Variants in AGPS observed in about 807,000 individuals in gnomAD.
The protein encoded by AGPS is alkyldihydroxyacetonephosphate synthase, peroxisomal.
In AGPS, 26 loss-of-function variants were observed where a neutral mutation model predicts 90.7. The observed-to-expected ratio is 0.29, with a 90% CI of 0.21 to 0.40. AGPS has a LOEUF of 0.40. Ranked by LOEUF, AGPS falls within the 10% of genes least tolerant of loss-of-function variation. AGPS has a pLI of 1.00. For synonymous variants in AGPS, 294 were observed against 285.3 expected, an observed-to-expected ratio of 1.03 and a Z score of -0.31; for missense variants, 540 against 816.1, an observed-to-expected ratio of 0.66 and a Z score of 4.12.
Position 177,481,512 on chromosome 2 carries a change from T to A in AGPS, c.1106-547T>A, listed in dbSNP as rs372943741. 5.3e-5 allele frequency among the ~76,000 whole-genome samples: 8 copies of A among 152,096 alleles called. No homozygotes were observed. In the South Asian group the frequency reaches 1.7e-3, roughly 31 times the overall value. On this transcript the variant is annotated intron_variant, in intron 10 of 19. Coordinates refer to ENST00000264167, the MANE Select transcript of AGPS (RefSeq NM_003659.4). ...ACTACTTTGTCTCCATCTGGTATTT[T>A]TTGTTTCTTAAAAGGGCATCTCAGT... is the stretch of plus-strand genomic sequence containing the variant.
intron 8 of AGPS, among the ~76,000 whole-genome samples, chr2:177,446,818 T>A (rs1686789945): frequency 6.6e-6 from 1 of 152,190 alleles, no homozygotes; most frequent in Non-Finnish European, 1.5e-5. Flanking sequence ...TTTCATCAGC[T>A]GGGTGAATAT....
intron 14 of AGPS, among the ~76,000 whole-genome samples, chr2:177,503,839 C>T (rs1033989931): frequency 1.3e-4 from 20 of 152,050 alleles, no homozygotes; most frequent in African/African-American, 4.6e-4. Context: ...CCAATTTCTT[C>T]CTGCTTTGAA....
At chr2:177,455,847 A>AT (rs1410966672) in intron 8 of AGPS, among the ~76,000 whole-genome samples, 5 of 151,380 alleles carry the variant, frequency 3.3e-5, no homozygotes, top group South Asian at 2.1e-4. Flanking sequence ...TAATTTAGGG[A>AT]TTTTTTAAGG....
chr2:177,527,135 A>T (rs1004237014), intron 19 of AGPS, among the ~76,000 whole-genome samples: 3 of 151,998 alleles, frequency 2.0e-5, no homozygotes, highest in Admixed American at 6.6e-5. Flanking sequence ...ATTTTTTTTT[A>T]AATGTATATG....
chr2:177,412,014 G>A (rs991093872), intron 1 of AGPS, among the ~76,000 whole-genome samples: 12 of 152,192 alleles, frequency 7.9e-5, no homozygotes, highest in African/African-American at 2.9e-4. Flanking sequence ...ACGGTCGAGA[G>A]CTGTGTGGCT....
intron 14 of AGPS, among the ~76,000 whole-genome samples, chr2:177,500,897 T>C (rs1314218878): frequency 6.6e-6 from 1 of 152,188 alleles, no homozygotes; most frequent in Non-Finnish European, 1.5e-5. Context: ...ATCTCATTTT[T>C]GTTTGAATTT....
At chr2:177,437,133 T>C in intron 5 of AGPS, 79 bp downstream of exon 5, 1 of 1,341,410 alleles carries the variant, frequency 7.5e-7, no homozygotes, top group Non-Finnish European at 1.1e-6. Context: ...TACGTACTTT[T>C]TGGCATATGA....
chr2:177,465,966 A>T (rs544801640), intron 9 of AGPS, among the ~76,000 whole-genome samples: 3 of 152,218 alleles, frequency 2.0e-5, no homozygotes, highest in Non-Finnish European at 4.4e-5. Context: ...AGAATGAGGT[A>T]TGCGGACAAG....
intron 11 of AGPS, among the ~76,000 whole-genome samples, chr2:177,487,780 G>A (rs887899469): frequency 6.6e-6 from 1 of 152,016 alleles, no homozygotes; most frequent in African/African-American, 2.4e-5. Context: ...GTTTGATCCA[G>A]CAAAATTAAG....
At chr2:177,453,462 G>A (rs1235141163) in intron 8 of AGPS, among the ~76,000 whole-genome samples, 1 of 151,502 alleles carries the variant, frequency 6.6e-6, no homozygotes. Context: ...GTAGAGATGG[G>A]GTTTTACCAT....
At chr2:177,498,026 A>G (rs1374249915) in intron 13 of AGPS, among the ~76,000 whole-genome samples, 3 of 151,630 alleles carry the variant, frequency 2.0e-5, no homozygotes, top group East Asian at 1.9e-4. Flanking sequence ...TATAGTTTAA[A>G]TTTTTTCCTT....
At chr2:177,465,376 T>G (rs1200945967) in intron 9 of AGPS, among the ~76,000 whole-genome samples, 1 of 152,236 alleles carries the variant, frequency 6.6e-6, no homozygotes. Context: ...TGTCATGGGA[T>G]TCTTGGGGTG....
intron 2 of AGPS, among the ~76,000 whole-genome samples, chr2:177,422,004 G>A (rs1685954428): frequency 6.6e-6 from 1 of 151,732 alleles, no homozygotes; most frequent in African/African-American, 2.4e-5. Context: ...GTGTGTGTAT[G>A]TGTGTGTGTG....
chr2:177,418,684 T>C (rs1428227092), intron 1 of AGPS, among the ~76,000 whole-genome samples: 1 of 151,788 alleles, frequency 6.6e-6, no homozygotes, highest in Non-Finnish European at 1.5e-5. Flanking sequence ...CTAAGTAAAT[T>C]ATACTTCATA....
rs922361050 is a variant in AGPS at position 177,466,376 on chromosome 2, G to A, written c.997-2040G>A. ...TCCATGGGTGGTTATGGGCAATCCC[G>A]GAAAAAGCATCATAAGTTCCCACTC... On this transcript the variant is annotated intron_variant, in intron 9 of 19. Transcript: ENST00000264167. Among the ~76,000 whole-genome samples, 9 of 152,312 alleles carry A rather than the reference G, an allele frequency of 5.9e-5. No homozygotes were observed. In the South Asian group the frequency reaches 1.0e-3, roughly 18 times the overall value.
chr2:177,457,725 C>T (rs1039565371), intron 8 of AGPS, among the ~76,000 whole-genome samples: 6 of 152,076 alleles, frequency 3.9e-5, no homozygotes, highest in African/African-American at 1.4e-4. Context: ...CAGGACTAGA[C>T]GGATTCACAG....
intron 19 of AGPS, among the ~76,000 whole-genome samples, chr2:177,525,328 G>A (rs2079073447): frequency 6.6e-6 from 1 of 151,868 alleles, no homozygotes; most frequent in African/African-American, 2.4e-5. Context: ...AATATTCAGG[G>A]AACTTTAATA....
chr2:177,408,636 C>T (rs1685529945), intron 1 of AGPS, among the ~76,000 whole-genome samples: 1 of 152,182 alleles, frequency 6.6e-6, no homozygotes, highest in Admixed American at 6.5e-5. Flanking sequence ...CCTCTTGCTG[C>T]CCATTGTTTT....
intron 3 of AGPS, among the ~76,000 whole-genome samples, chr2:177,435,130 T>G (rs1376022697): frequency 1.3e-5 from 2 of 151,530 alleles, no homozygotes; most frequent in Non-Finnish European, 2.9e-5. Flanking sequence ...TATTATTATT[T>G]TGCTGTAGCA....
Sources: gnomAD v4.1 joint callset for allele counts (sites outside exome capture counted in the v4.1 genomes callset) on GRCh38, gnomAD v4.1.1 for gene constraint, MANE v1.5 for transcripts, NCBI Gene and HGNC (gene_info 2026-07-23, HGNC 2026-07-21) for gene names.